The following GLMN variants were observed in gnomAD, a reference collection of about 807,000 sequenced individuals.
The protein encoded by GLMN is glomulin, FKBP associated protein.
GLMN carries 75 observed loss-of-function variants against 87.8 expected under a neutral mutation model. The ratio of observed to expected loss-of-function variants is 0.85; its 90% CI spans 0.71 to 1.04. The LOEUF (loss-of-function observed/expected upper bound fraction) is 1.04. Among genes scored for constraint, GLMN ranks in the 50% least tolerant of loss-of-function variants. The pLI, the probability that GLMN is intolerant of heterozygous loss-of-function variation, is 0.00. For synonymous variants in GLMN, 206 were observed against 221.6 expected, an observed-to-expected ratio of 0.93 and a Z score of 0.63; for missense variants, 588 against 658.8, an observed-to-expected ratio of 0.89 and a Z score of 1.18.
At chr1:92,297,105 TGTTTC>T (rs1227699556) in intron 3 of GLMN, among the ~76,000 whole-genome samples, 2 of 151,380 alleles carry the variant, frequency 1.3e-5, no homozygotes, top group African/African-American at 4.9e-5. Context: ...AGTATATGAC[TGTTTC>T]TTTTCTTTTT....
the GLMN span, among the ~76,000 whole-genome samples, chr1:92,339,496 C>T: frequency 5.3e-4 from 81 of 152,206 alleles, 1 homozygote; most frequent in South Asian, 0.016. Flanking sequence ...GGGACAAATA[C>T]CTCACTGACC....
At chr1:92,247,176 T>A in intron 17 of GLMN, 32 bp from the exon 18 acceptor site, 2 of 1,000,802 alleles carry the variant, frequency 2.0e-6, no homozygotes, top group South Asian at 1.3e-5. Flanking sequence ...GTGTGACACT[T>A]AACTCTCAGA....
In GLMN at chr1:92,269,743, G is replaced by A. The variant is rs760517074; in HGVS notation, c.957C>T (p.His319=). 1.2e-6 allele frequency: 2 copies of A among 1,608,328 alleles called. No homozygotes were observed. The highest frequency in any genetic ancestry group is 1.6e-4 in the Middle Eastern group (1 of 6,062). Reference sequence around the variant, plus strand: ...CTTACCTTTGCAAAAAGACTTCAATGTGCCCCATATTAAACTGCAAAAGGT... The same window carrying A: ...CTTACCTTTGCAAAAAGACTTCAATATGCCCCATATTAAACTGCAAAAGGT... ...PLYLLQFNMG[H]IEVFLQRTEE... is the part of the protein sequence containing the mutation. Residue 319 remains histidine (H), a synonymous_variant, in exon 9 of 19, where the codon CAC becomes CAT. Transcript: ENST00000370360.
the GLMN span, chr1:92,324,430 C>A: frequency 1.6e-6 from 2 of 1,282,940 alleles, no homozygotes; most frequent in Non-Finnish European, 2.2e-6. Context: ...GAAAACTCAC[C>A]ACAGCAAATC....
chr1:92,266,615 T>A, intron 12 of GLMN, 85 bp downstream of exon 12: 1 of 1,205,528 alleles, frequency 8.3e-7, no homozygotes, highest in Non-Finnish European at 1.2e-6. Context: ...TTTCACAAAT[T>A]AAAATTTTTA....
chr1:92,301,453 T>C, upstream of GLMN: 1 of 1,281,214 alleles, frequency 7.8e-7, no homozygotes, highest in Non-Finnish European at 1.1e-6. Context: ...TTAAGTAGAT[T>C]AAGTTTCTCT....
the GLMN span, chr1:92,363,617 T>G: frequency 2.0e-5 from 4 of 196,198 alleles, no homozygotes; most frequent in Non-Finnish European, 4.3e-5. Flanking sequence ...GGGTTTGAAC[T>G]GTGCAAGTCC....
the GLMN span, among the ~76,000 whole-genome samples, chr1:92,334,582 T>C: frequency 6.6e-6 from 1 of 152,128 alleles, no homozygotes; most frequent in Non-Finnish European, 1.5e-5. Flanking sequence ...GTGTGGTGGC[T>C]CATGCCTGTA....
At chr1:92,333,329 C>A in the GLMN span, 4 of 1,313,084 alleles carry the variant, frequency 3.0e-6, no homozygotes, top group South Asian at 3.6e-5. Context: ...TATTGTTCTG[C>A]TTATCAAAGA....
chr1:92,275,546 A>G (rs1647213555), intron 7 of GLMN, among the ~76,000 whole-genome samples: 1 of 152,110 alleles, frequency 6.6e-6, no homozygotes, highest in Admixed American at 6.5e-5. Context: ...CATGTCTTCT[A>G]GCTATTACCT....
the GLMN span, among the ~76,000 whole-genome samples, chr1:92,367,721 C>T: frequency 6.6e-6 from 1 of 152,206 alleles, no homozygotes; most frequent in Non-Finnish European, 1.5e-5. Flanking sequence ...CTTCCTCCAA[C>T]CCCAAACCAT....
chr1:92,251,422 C>T (rs569946836), intron 16 of GLMN, among the ~76,000 whole-genome samples: 38 of 152,170 alleles, frequency 2.5e-4, no homozygotes, highest in African/African-American at 8.9e-4. Context: ...AATCTCTCAA[C>T]CCATATCTCA....
chr1:92,276,792 G>A (rs11577572), intron 7 of GLMN, among the ~76,000 whole-genome samples: 39,529 of 152,016 alleles, frequency 0.26, 6,531 homozygotes, highest in Non-Finnish European at 0.35. Context: ...TTATGTTTAG[G>A]ACTTGTTATA....
At position 92,260,523 on chromosome 1, in the gene GLMN, G is replaced by A. The variant is rs184182779; in HGVS notation, c.1473+2340C>T. ...CCAGCTACTCGGGAGACTGAGGCAG[G>A]AGAATCATTTGAACCCAGGAGGTGG... is the stretch of plus-strand genomic sequence containing the variant. On this transcript the variant is annotated intron_variant, in intron 16 of 18. Coordinates refer to ENST00000370360, the MANE Select transcript of GLMN (RefSeq NM_053274.3). Among the ~76,000 whole-genome samples the A allele has an allele frequency of 1.2e-4, 19 of 152,142 alleles. No homozygotes were observed. The East Asian group carries it at 1.7e-3, about 14-fold the overall frequency.
upstream of GLMN, among the ~76,000 whole-genome samples, chr1:92,302,083 C>A (rs1645430242): frequency 6.6e-6 from 1 of 152,120 alleles, no homozygotes; most frequent in Non-Finnish European, 1.5e-5. Flanking sequence ...GAGTTCGAGA[C>A]CAGCCTGGCC....
At chr1:92,297,733 G>C in intron 2 of GLMN, 1 of 632,746 alleles carries the variant, frequency 1.6e-6, no homozygotes, top group Non-Finnish European at 2.8e-6. Context: ...TACTGTACCA[G>C]TGAAATCTAT....
At chr1:92,325,973 T>C in the GLMN span, among the ~76,000 whole-genome samples, 7 of 152,174 alleles carry the variant, frequency 4.6e-5, no homozygotes, top group African/African-American at 1.7e-4. Context: ...GGGGCTATTA[T>C]GAACAATATT....
the GLMN span, among the ~76,000 whole-genome samples, chr1:92,346,707 T>C: frequency 6.6e-6 from 1 of 152,192 alleles, no homozygotes; most frequent in Non-Finnish European, 1.5e-5. Flanking sequence ...AGATGCTTAC[T>C]ACAAAAGCAT....
rs1280350462 is a variant in GLMN at position 92,264,643 on chromosome 1, A to AAAGC, written c.1215-9_1215-6dup. On this transcript the variant is annotated splice_region_variant and splice_polypyrimidine_tract_variant and intron_variant, in intron 13 of 18. Coordinates refer to ENST00000370360, the MANE Select transcript of GLMN (RefSeq NM_053274.3). ...TTACTTGTATTCAATAAGCACCTTG[A>AAAGC]AAGCAAAATTACAATAGATGTGAAA... The AAAGC allele has an allele frequency of 6.8e-7, 1 of 1,476,566 alleles. No homozygotes were observed. The highest frequency in any genetic ancestry group is 9.5e-7 in the Non-Finnish European group (1 of 1,054,872). 91.5% of individuals were successfully genotyped at this position (1,476,566 alleles called of 1,614,324 possible).
Sources: allele counts gnomAD v4.1 joint callset (sites outside exome capture counted in the v4.1 genomes callset), GRCh38; gene constraint gnomAD v4.1.1; transcripts MANE v1.5; gene names NCBI Gene and HGNC (gene_info 2026-07-23, HGNC 2026-07-21).